Variants in ADD2 observed in about 807,000 individuals in gnomAD.
ADD2 encodes the protein adducin 2.
Under a neutral mutation model 83.0 loss-of-function variants are expected in ADD2, and 23 were observed. The observed-to-expected ratio is 0.28, with a 90% CI of 0.20 to 0.39. The LOEUF (loss-of-function observed/expected upper bound fraction) is 0.39. Among genes scored for constraint, ADD2 ranks in the 10% least tolerant of loss-of-function variants. ADD2 has a pLI of 1.00. For missense variants in ADD2, 758 were observed against 944.9 expected, an observed-to-expected ratio of 0.80 and a Z score of 2.59; for synonymous variants, 375 against 375.4, an observed-to-expected ratio of 1.00 and a Z score of 0.01.
At chr2:70,708,662 C>G (rs1672024959) in intron 2 of ADD2, among the ~76,000 whole-genome samples, 1 of 152,242 alleles carries the variant, frequency 6.6e-6, no homozygotes, top group South Asian at 2.1e-4. Flanking sequence ...CTATCATACA[C>G]TTGGCCTGGG....
intron 1 of ADD2, among the ~76,000 whole-genome samples, chr2:70,713,808 G>A (rs1672325899): frequency 2.0e-5 from 3 of 152,048 alleles, no homozygotes; most frequent in African/African-American, 7.2e-5. Context: ...TTGCTGGGCT[G>A]GGAGGATCTC....
At chr2:70,715,828 C>T (rs1672437612) in intron 1 of ADD2, among the ~76,000 whole-genome samples, 1 of 151,582 alleles carries the variant, frequency 6.6e-6, no homozygotes, top group Non-Finnish European at 1.5e-5. Context: ...CCTCTTTTTG[C>T]CCTGCACATT....
chr2:70,701,389 C>T (rs1374628273), intron 4 of ADD2, among the ~76,000 whole-genome samples: 1 of 152,094 alleles, frequency 6.6e-6, no homozygotes, highest in Non-Finnish European at 1.5e-5. Flanking sequence ...AAAGATATTT[C>T]CTCAACACGA....
At position 70,663,608 on chromosome 2, in the gene ADD2, C is replaced by T. The variant is rs1675625325; in HGVS notation, c.1998G>A (p.Leu666=). The T allele has an allele frequency of 1.9e-6, 3 of 1,614,066 alleles. No individual in the cohort carries two copies. Among genetic ancestry groups the T allele is most frequent in the South Asian group, 1.1e-5 (1 of 91,086 alleles). The change falls in exon 16 of 16, where the codon CTG becomes CTA. Residue 666 remains leucine, a synonymous_variant. Coordinates refer to ENST00000264436, the MANE Select transcript of ADD2 (RefSeq NM_001617.4). ...QTAEEILSKG[L]SQMTTSADTD... is the part of the protein sequence containing the mutation. ...TGTCAGCACTGGTGGTCATCTGGCT[C>T]AGGCCTTTGCTGAGGATTTCCTCTG...
chr2:70,725,161 C>T (rs1672925245), intron 1 of ADD2, among the ~76,000 whole-genome samples: 1 of 152,148 alleles, frequency 6.6e-6, no homozygotes, highest in South Asian at 2.1e-4. Flanking sequence ...GTAGCCACCC[C>T]AAGGGGCTGT....
chr2:70,718,570 T>C (rs117157102), intron 1 of ADD2, among the ~76,000 whole-genome samples: 2 of 152,304 alleles, frequency 1.3e-5, no homozygotes, highest in East Asian at 3.9e-4. Context: ...TGGGTGCACA[T>C]AATGAGGACC....
In ADD2 at chr2:70,745,640, C is replaced by T. The variant is rs146451576; in HGVS notation, c.-154+22246G>A. ...AGCCAGACTATAGCCTCACCAAAAA[C>T]CCTCCCAGGAGAGCAGCTAGGAACA... On this transcript the variant is annotated intron_variant, in intron 1 of 15. Transcript: ENST00000264436. Among the ~76,000 whole-genome samples the T allele has an allele frequency of 4.2e-3, 640 of 152,322 alleles. 1 individual carries two copies. The highest frequency in any genetic ancestry group is 7.2e-3 in the Non-Finnish European group (489 of 68,024).
In ADD2 at chr2:70,676,349, C is replaced by T. The variant is rs1670136272; in HGVS notation, c.1593+447G>A. 5 of 1,055,602 alleles carry T rather than the reference C, an allele frequency of 4.7e-6. No individual in the cohort carries two copies. In the African/African-American group the frequency reaches 6.6e-5, roughly 14 times the overall value. 65.4% of individuals were successfully genotyped at this position (1,055,602 alleles called of 1,614,324 possible). A position where few individuals can be genotyped will look rare whatever the true frequency, so the allele number is the denominator to read the frequency against. On this transcript the variant is annotated intron_variant, in intron 13 of 15. Coordinates refer to ENST00000264436, the MANE Select transcript of ADD2 (RefSeq NM_001617.4). The surrounding 1 kb of genome is among the most constrained non-coding windows in gnomAD (Gnocchi z 4.8). ...TGGGTCCTGTCTATATACCCCTTCT[C>T]TATGGGTACATGATCATCTTTCCAG...
At chr2:70,722,527 G>A (rs1462908113) in intron 1 of ADD2, among the ~76,000 whole-genome samples, 5 of 152,224 alleles carry the variant, frequency 3.3e-5, no homozygotes. Context: ...TGAGACAAGA[G>A]AAATAGGCCA....
At chr2:70,704,263 T>TGGGGCCCCCC in intron 4 of ADD2, 58 bp downstream of exon 4, 2 of 913,236 alleles carry the variant, frequency 2.2e-6, no homozygotes, top group Non-Finnish European at 3.4e-6. Context: ...CTCCCTCTCT[T>TGGGGCCCCCC]CCCCACCCCA....
At position 70,694,032 on chromosome 2, in the gene ADD2, C is replaced by CGAAA. The variant is rs138079210; in HGVS notation, c.556-1481_556-1480insTTTC. 2.5e-3 allele frequency among the ~76,000 whole-genome samples: 388 copies of CGAAA among 152,294 alleles called. 3 individuals carry two copies. The highest frequency in any genetic ancestry group is 8.4e-3 in the African/African-American group (349 of 41,562). On this transcript the variant is annotated intron_variant, in intron 6 of 15. Transcript: ENST00000264436. Reference sequence around the variant, plus strand: ...AGTGAGTGGAGCACAGGTTGGATTTCACCCTCTCTTCTCTTCCTCATTAGC... The same window carrying CGAAA: ...AGTGAGTGGAGCACAGGTTGGATTTCGAAAACCCTCTCTTCTCTTCCTCATTAGC...
In ADD2 at chr2:70,676,956, C is replaced by T. The variant is rs782700318; in HGVS notation, c.1504-71G>A. On this transcript the variant is annotated intron_variant, in intron 12 of 15. Transcript: ENST00000264436. The surrounding 1 kb of genome is among the most constrained non-coding windows in gnomAD (Gnocchi z 4.8). ...AGCGTGGAGTTTGGGAGGGGGCATACGGGTGTGCCTGGGGTCTAGAAAGGT... is the reference window on the plus strand; with the variant it reads ...AGCGTGGAGTTTGGGAGGGGGCATATGGGTGTGCCTGGGGTCTAGAAAGGT... 29 of 1,569,008 alleles carry T rather than the reference C, an allele frequency of 1.8e-5. No individual in the cohort carries two copies. The highest frequency in any genetic ancestry group is 5.4e-5 in the African/African-American group (4 of 74,204).
At chr2:70,678,217 T>C (rs573255589) in intron 11 of ADD2, among the ~76,000 whole-genome samples, 1 of 152,348 alleles carries the variant, frequency 6.6e-6, no homozygotes, top group African/African-American at 2.4e-5. Context: ...CTTCATATTG[T>C]TTTATGAAGA....
intron 4 of ADD2, 94 bp from the exon 5 acceptor site, chr2:70,696,490 T>C (rs1204612051): frequency 6.6e-7 from 1 of 1,516,944 alleles, no homozygotes; most frequent in Non-Finnish European, 9.0e-7. Context: ...GCACTAAAAC[T>C]GCACAGGAGA....
At chr2:70,664,760 G>T (rs538110378) in intron 15 of ADD2, among the ~76,000 whole-genome samples, 5 of 137,876 alleles carry the variant, frequency 3.6e-5, no homozygotes, top group African/African-American at 8.3e-5. Context: ...GGTGTGTGAG[G>T]GTGTGCAAGT....
intron 1 of ADD2, among the ~76,000 whole-genome samples, chr2:70,757,460 A>T (rs775156682): frequency 9.2e-5 from 14 of 152,370 alleles, no homozygotes; most frequent in Middle Eastern, 6.8e-3. Flanking sequence ...GAAGTCTCAC[A>T]CACAGTATGG....
chr2:70,718,881 G>C (rs1458302490), intron 1 of ADD2, among the ~76,000 whole-genome samples: 6 of 152,210 alleles, frequency 3.9e-5, no homozygotes, highest in Non-Finnish European at 4.4e-5. Context: ...GGTAGGAGGT[G>C]GGGGAATGGA....
intron 11 of ADD2, 151 bp from the exon 12 acceptor site, chr2:70,678,028 G>T: frequency 9.4e-7 from 1 of 1,059,646 alleles, no homozygotes. Flanking sequence ...CCTCTTTGAT[G>T]TCTGTCTCCA....
chr2:70,755,212 A>T (rs1674706875), intron 1 of ADD2, among the ~76,000 whole-genome samples: 1 of 151,954 alleles, frequency 6.6e-6, no homozygotes, highest in Non-Finnish European at 1.5e-5. Context: ...ATCATTTCCC[A>T]CCTTCTCATC....
Sources: gnomAD v4.1 joint callset for allele counts (sites outside exome capture counted in the v4.1 genomes callset) on GRCh38, gnomAD v4.1.1 for gene constraint, Gnocchi (gnomAD v3.1) non-coding constraint, MANE v1.5 for transcripts, NCBI Gene and HGNC (gene_info 2026-07-23, HGNC 2026-07-21) for gene names.